The following GRID1 variants were observed in gnomAD, a reference collection of about 807,000 sequenced individuals.
GRID1 encodes glutamate ionotropic receptor delta type subunit 1, also known as glutamate receptor ionotropic, delta-1.
GRID1 carries 28 observed loss-of-function variants against 98.0 expected under a neutral mutation model. The observed-to-expected ratio is 0.29, with a 90% CI of 0.21 to 0.39. The LOEUF (loss-of-function observed/expected upper bound fraction) is 0.39, where lower values mean the gene tolerates loss of function less well. Among genes scored for constraint, GRID1 ranks in the 10% least tolerant of loss-of-function variants. The pLI, the probability that GRID1 is intolerant of heterozygous loss-of-function variation, is 1.00. For synonymous variants in GRID1, 553 were observed against 538.5 expected (o/e 1.03, Z -0.37); for missense variants, 1,111 against 1,340.5 (o/e 0.83, Z 2.67).
chr10:85,784,755 G>A (rs917969912), intron 8 of GRID1, among the ~76,000 whole-genome samples: 1 of 152,230 alleles, frequency 6.6e-6, no homozygotes, highest in Non-Finnish European at 1.5e-5. Flanking sequence ...GGTGGGATTT[G>A]AAGGTTGTCT....
intron 13 of GRID1, among the ~76,000 whole-genome samples, chr10:85,624,495 G>A (rs1035876243): frequency 2.6e-5 from 4 of 152,176 alleles, no homozygotes; most frequent in African/African-American, 9.7e-5. Flanking sequence ...TGACCCCACA[G>A]AGCCCTTCAG....
intron 8 of GRID1, among the ~76,000 whole-genome samples, chr10:85,838,549 C>A (rs1230957176): frequency 1.3e-5 from 2 of 152,102 alleles, no homozygotes; most frequent in Non-Finnish European, 2.9e-5. Flanking sequence ...AATTTCATAT[C>A]CAGCCAAACT....
intron 4 of GRID1, among the ~76,000 whole-genome samples, chr10:85,933,593 T>C (rs962320567): frequency 6.6e-6 from 1 of 152,172 alleles, no homozygotes; most frequent in African/African-American, 2.4e-5. Context: ...CTGGAGGCTG[T>C]TTGGGGCTGT....
At chr10:85,677,079 G>A (rs1421366971) in intron 12 of GRID1, among the ~76,000 whole-genome samples, 1 of 152,216 alleles carries the variant, frequency 6.6e-6, no homozygotes, top group Non-Finnish European at 1.5e-5. Context: ...ATTTGGGAAT[G>A]TGTGACAGAG....
In GRID1 at chr10:85,810,060, G is replaced by A. The variant is rs186554787; in HGVS notation, c.1233+44436C>T. On this transcript the variant is annotated intron_variant, in intron 8 of 15. Coordinates refer to ENST00000327946, the MANE Select transcript of GRID1 (RefSeq NM_017551.3). ...CATCTTAAAACCAGAGCCACTACTG[G>A]AGTGTGCTCTGCCCTGGGGGCCAGT... Among the ~76,000 whole-genome samples, 373 of 152,066 alleles carry A rather than the reference G, an allele frequency of 2.5e-3. 1 individual carries two copies. The highest frequency in any genetic ancestry group is 4.1e-3 in the Non-Finnish European group (277 of 67,992).
At chr10:85,744,044 T>C (rs1841975112) in intron 8 of GRID1, among the ~76,000 whole-genome samples, 1 of 152,218 alleles carries the variant, frequency 6.6e-6, no homozygotes, top group East Asian at 1.9e-4. Flanking sequence ...AATTCCAAAA[T>C]AAGAGAGGTT....
intron 2 of GRID1, among the ~76,000 whole-genome samples, chr10:86,210,425 C>T (rs1846091771): frequency 6.6e-6 from 1 of 152,194 alleles, no homozygotes; most frequent in African/African-American, 2.4e-5. Flanking sequence ...CTCTACCCAG[C>T]AGAGCTACGA....
chr10:85,973,644 C>T (rs1842435021), intron 4 of GRID1, among the ~76,000 whole-genome samples: 1 of 152,106 alleles, frequency 6.6e-6, no homozygotes, highest in Non-Finnish European at 1.5e-5. Context: ...TTTTCCTTTC[C>T]AGTTTTATTT....
At chr10:85,984,908 C>T (rs1057334469) in intron 4 of GRID1, among the ~76,000 whole-genome samples, 2 of 152,142 alleles carry the variant, frequency 1.3e-5, no homozygotes, top group Non-Finnish European at 2.9e-5. Context: ...CTGATTAACA[C>T]TCTCTTGGGT....
chr10:86,138,086 C>A (rs1043628721), intron 4 of GRID1, among the ~76,000 whole-genome samples: 3 of 152,136 alleles, frequency 2.0e-5, no homozygotes, highest in African/African-American at 7.2e-5. Context: ...AGCTCACCCC[C>A]CAAAACCAAC....
intron 8 of GRID1, among the ~76,000 whole-genome samples, chr10:85,802,092 A>G (rs917240172): frequency 2.6e-5 from 4 of 152,082 alleles, no homozygotes; most frequent in African/African-American, 9.6e-5. Context: ...GAAAGTCATT[A>G]AAGAATTTTA....
chr10:86,123,145 G>A (rs919481356), intron 4 of GRID1, among the ~76,000 whole-genome samples: 6 of 152,198 alleles, frequency 3.9e-5, no homozygotes, highest in African/African-American at 1.4e-4. Flanking sequence ...GTGCCCCGGG[G>A]GATCTGGAAT....
chr10:85,963,434 C>G (rs1463403352), intron 4 of GRID1, among the ~76,000 whole-genome samples: 2 of 152,208 alleles, frequency 1.3e-5, no homozygotes, highest in African/African-American at 4.8e-5. Flanking sequence ...ACTCGCCACA[C>G]AGTGGACAGG....
At chr10:86,180,486 G>C (rs1388859227) in intron 3 of GRID1, among the ~76,000 whole-genome samples, 1 of 152,136 alleles carries the variant, frequency 6.6e-6, no homozygotes, top group Non-Finnish European at 1.5e-5. Flanking sequence ...GCTGAGCAGA[G>C]GACAGGTCCT....
chr10:85,765,602 T>A (rs1842190279), intron 8 of GRID1, among the ~76,000 whole-genome samples: 1 of 152,200 alleles, frequency 6.6e-6, no homozygotes, highest in Non-Finnish European at 1.5e-5. Flanking sequence ...AAAATTACCT[T>A]CAGGCCATGC....
rs186801735 is a variant in GRID1, at chr10:86,021,003, G to A, written c.727-104764C>T. ...ACTCTTGGAGACCACTTTGCAAGGC[G>A]TTTTTGTCTTTTCTGATTCTCATAT... On this transcript the variant is annotated intron_variant, in intron 4 of 15. Coordinates refer to ENST00000327946, the MANE Select transcript of GRID1 (RefSeq NM_017551.3). Among the ~76,000 whole-genome samples, 19 of 152,078 alleles carry A rather than the reference G, an allele frequency of 1.2e-4. No homozygotes were observed. The South Asian group carries it at 1.9e-3, about 15-fold the overall frequency.
intron 4 of GRID1, among the ~76,000 whole-genome samples, chr10:86,088,794 T>C (rs1272332384): frequency 6.6e-6 from 1 of 152,124 alleles, no homozygotes; most frequent in Non-Finnish European, 1.5e-5. Context: ...CCTCAGGACC[T>C]GAGGAATGAC....
chr10:85,731,399 T>G (rs1032241768), intron 8 of GRID1, among the ~76,000 whole-genome samples: 1 of 151,696 alleles, frequency 6.6e-6, no homozygotes, highest in South Asian at 2.1e-4. Context: ...AGTGAAGATC[T>G]ACCCAAAATT....
chr10:85,855,509 G>C (rs1045649670), intron 7 of GRID1, among the ~76,000 whole-genome samples: 1 of 152,222 alleles, frequency 6.6e-6, no homozygotes, highest in Admixed American at 6.5e-5. Flanking sequence ...GCAATTCATT[G>C]TGACTAAATT....
Sources: allele counts gnomAD v4.1 joint callset (sites outside exome capture counted in the v4.1 genomes callset), GRCh38; gene constraint gnomAD v4.1.1; transcripts MANE v1.5; gene names NCBI Gene and HGNC (gene_info 2026-07-23, HGNC 2026-07-21).